Variants in COL11A1 observed in about 807,000 individuals in gnomAD.
COL11A1 encodes the protein collagen type XI alpha 1 chain.
In COL11A1, 74 loss-of-function variants were observed where a neutral mutation model predicts 265.2. That is an observed-to-expected ratio of 0.28 (90% CI 0.23 to 0.34). The LOEUF is 0.34. Ranked by LOEUF, COL11A1 falls within the 10% of genes least tolerant of loss-of-function variation. The probability of loss-of-function intolerance (pLI) is 1.00; values close to 1 mark genes in which losing one functional copy is unlikely to be tolerated. For missense variants in COL11A1, 2,165 were observed against 2,263.6 expected (o/e 0.96, Z 0.88); for synonymous variants, 816 against 727.6 (o/e 1.12, Z -1.96).
Position 102,979,109 on chromosome 1 carries a change from C to T in COL11A1, c.2611-5G>A. 1.9e-6 allele frequency: 3 copies of T among 1,614,042 alleles called. No individual in the cohort carries two copies. Among genetic ancestry groups the T allele is most frequent in the Non-Finnish European group, 2.5e-6 (3 of 1,179,932 alleles). ...GCCTGGTTTGCCAGCTACTCCCTAGCAAAGACAGTTCAATTTCAATATGCA... is the reference window on the plus strand; with the variant it reads ...GCCTGGTTTGCCAGCTACTCCCTAGTAAAGACAGTTCAATTTCAATATGCA... On this transcript the variant is annotated splice_region_variant and splice_polypyrimidine_tract_variant and intron_variant, in intron 32 of 66. Coordinates refer to ENST00000370096, the MANE Select transcript of COL11A1 (RefSeq NM_001854.4).
At chr1:102,990,093 G>A (rs1663981506) in intron 28 of COL11A1, among the ~76,000 whole-genome samples, 1 of 152,048 alleles carries the variant, frequency 6.6e-6, no homozygotes, top group Admixed American at 6.6e-5. Flanking sequence ...GCTGAGGTGG[G>A]AGGATTGCTT....
At chr1:103,080,968 G>GATT (rs1672368443) in intron 2 of COL11A1, among the ~76,000 whole-genome samples, 1 of 151,692 alleles carries the variant, frequency 6.6e-6, no homozygotes, top group Non-Finnish European at 1.5e-5. Context: ...ATTCATAATA[G>GATT]CCAATATATG....
chr1:103,103,230 T>A (rs1246035727), intron 1 of COL11A1, among the ~76,000 whole-genome samples: 1 of 152,078 alleles, frequency 6.6e-6, no homozygotes, highest in Non-Finnish European at 1.5e-5. Flanking sequence ...CTGACATTAA[T>A]AAAAGTCATA....
intron 54 of COL11A1, among the ~76,000 whole-genome samples, chr1:102,910,242 CA>C (rs926344184): frequency 6.6e-6 from 1 of 151,756 alleles, no homozygotes; most frequent in African/African-American, 2.4e-5. Context: ...CAGTTGTTTT[CA>C]AAATGAATAA....
chr1:103,021,407 T>C (rs1307598442), intron 9 of COL11A1, among the ~76,000 whole-genome samples: 1 of 152,148 alleles, frequency 6.6e-6, no homozygotes, highest in African/African-American at 2.4e-5. Flanking sequence ...ATTTGATACC[T>C]CAGGAAAATT....
chr1:103,019,192 G>A (rs574429149), intron 9 of COL11A1, among the ~76,000 whole-genome samples: 65 of 152,062 alleles, frequency 4.3e-4, no homozygotes, highest in Middle Eastern at 3.2e-3. Flanking sequence ...TTTTTCGTTT[G>A]TTTGTAGCCC....
chr1:103,073,741 C>T lies in COL11A1; in HGVS notation c.651+877G>A, dbSNP rs576542940. Among the ~76,000 whole-genome samples the T allele has an allele frequency of 2.0e-5, 3 of 151,934 alleles. No individual in the cohort carries two copies. In the South Asian group the frequency reaches 6.2e-4, roughly 31 times the overall value. ...GGAATGAAATAGTCTAGCTGATGCT[C>T]TGAATGAACATTGTTCTGTTTATGA... On this transcript the variant is annotated intron_variant, in intron 4 of 66. Transcript: ENST00000370096.
chr1:102,920,400 T>G, intron 48 of COL11A1, 36 bp from the exon 49 acceptor site: 4 of 1,579,176 alleles, frequency 2.5e-6, no homozygotes, highest in Non-Finnish European at 3.5e-6. Context: ...TTATCCATAT[T>G]CTTATTAAAA....
rs1339775223 is a variant in COL11A1, at chr1:102,998,343, T to A, written c.2163A>T (p.Gly721=). The A allele has an allele frequency of 5.6e-6, 9 of 1,604,512 alleles. No individual in the cohort carries two copies. Among genetic ancestry groups the A allele is most frequent in the Non-Finnish European group, 6.8e-6 (8 of 1,174,896 alleles). The part of the protein sequence containing the change: ...PGEKGPQGKP[G]LAGLPGADGP... ...CATCAGCACCAGGAAGTCCAGCAAG[T>A]CCTGGTTTTCCTTGTGGTCCCTTAT... Residue 721 remains glycine, a synonymous_variant, in exon 25 of 67, where the codon GGA becomes GGT. Transcript: ENST00000370096.
Position 103,008,501 on chromosome 1 carries a change from A to G in COL11A1, c.1645T>C (p.Ser549Pro), listed in dbSNP as rs773526854. The change falls in exon 15 of 67, where the codon TCT (serine) becomes CCT (proline). Residue 549 changes from serine to proline, a missense_variant. Ser to Pro is a moderately conservative substitution (Grantham distance 74). Coordinates refer to ENST00000370096, the MANE Select transcript of COL11A1 (RefSeq NM_001854.4). ...TCACCACTCTCACCTTTGGCCCCAG[A>G]TGAACCAGGCCCCCCCTATAGAGAA... Reference protein sequence around the residue: ...RPGPVGGPGSSGAKGESGDPG... With the variant: ...RPGPVGGPGSPGAKGESGDPG... The G allele has an allele frequency of 6.2e-7, 1 of 1,613,966 alleles. No homozygotes were observed. Among genetic ancestry groups the G allele is most frequent in the Non-Finnish European group, 8.5e-7 (1 of 1,179,904 alleles).
At chr1:103,022,609 G>C in intron 8 of COL11A1, 133 bp downstream of exon 8, 2 of 980,430 alleles carry the variant, frequency 2.0e-6, no homozygotes, top group Non-Finnish European at 3.1e-6. Flanking sequence ...GTGTCCTAGT[G>C]GTAATAGGCA....
At chr1:103,062,524 T>G (rs946407733) in intron 4 of COL11A1, among the ~76,000 whole-genome samples, 8 of 151,944 alleles carry the variant, frequency 5.3e-5, no homozygotes, top group African/African-American at 1.9e-4. Context: ...TGTTTCAATA[T>G]TTGAAAATAA....
chr1:103,035,578 C>T (rs916843093), intron 4 of COL11A1, among the ~76,000 whole-genome samples: 8 of 151,992 alleles, frequency 5.3e-5, no homozygotes, highest in African/African-American at 9.7e-5. Context: ...AATTCATTCA[C>T]TCTCTCAAAT....
rs541465452 is a variant in COL11A1 at position 102,942,737 on chromosome 1, A to G, written c.3277-2303T>C. Among the ~76,000 whole-genome samples, 5 of 152,194 alleles carry G rather than the reference A, an allele frequency of 3.3e-5. No individual in the cohort carries two copies. The South Asian group carries it at 8.3e-4, about 25-fold the overall frequency. ...AAAGCTCATTTGTGTATTCATTCTC[A>G]GTTTATTATTTCATCCTTTTTTATG... On this transcript the variant is annotated intron_variant, in intron 42 of 66. Coordinates refer to ENST00000370096, the MANE Select transcript of COL11A1 (RefSeq NM_001854.4).
intron 4 of COL11A1, among the ~76,000 whole-genome samples, chr1:103,053,451 G>A (rs910644950): frequency 1.3e-5 from 2 of 152,156 alleles, no homozygotes; most frequent in Non-Finnish European, 2.9e-5. Flanking sequence ...ATCTAGAAAG[G>A]AGAACTGAGA....
chr1:103,046,168 G>T (rs567263232), intron 4 of COL11A1, among the ~76,000 whole-genome samples: 1 of 150,392 alleles, frequency 6.6e-6, no homozygotes, highest in South Asian at 2.1e-4. Context: ...GGTATTTCTA[G>T]TTCTAGATCC....
At chr1:103,002,011 A>C (rs755911907) in intron 23 of COL11A1, 42 bp from the exon 24 acceptor site, 1 of 1,535,062 alleles carries the variant, frequency 6.5e-7, no homozygotes, top group African/African-American at 1.4e-5. Flanking sequence ...ATATCAAATC[A>C]CAGTAATATG....
intron 32 of COL11A1, 86 bp from the exon 33 acceptor site, chr1:102,979,190 ATCAT>A (rs148099821): frequency 1.5e-4 from 201 of 1,338,250 alleles, no homozygotes; most frequent in Non-Finnish European, 2.0e-4. Context: ...ATGCAAGAAC[ATCAT>A]TCATTCATTC....
intron 4 of COL11A1, among the ~76,000 whole-genome samples, chr1:103,048,853 T>G (rs140422379): frequency 9.8e-5 from 15 of 152,350 alleles, no homozygotes; most frequent in East Asian, 1.9e-4. Context: ...CATTTCGTTA[T>G]GTACCCAGTA....
Sources: allele counts gnomAD v4.1 joint callset (sites outside exome capture counted in the v4.1 genomes callset), GRCh38; gene constraint gnomAD v4.1.1; transcripts MANE v1.5; gene names NCBI Gene and HGNC (gene_info 2026-07-23, HGNC 2026-07-21).